The following XPOT variants were observed in gnomAD, a reference collection of about 807,000 sequenced individuals.
XPOT encodes the protein exportin-T.
XPOT carries 34 observed loss-of-function variants against 128.2 expected under a neutral mutation model. The ratio of observed to expected loss-of-function variants is 0.27; its 90% CI spans 0.20 to 0.35. XPOT has a LOEUF of 0.35. Among genes scored for constraint, XPOT ranks in the 10% least tolerant of loss-of-function variants. The probability of loss-of-function intolerance (pLI) is 1.00; values close to 1 mark genes in which losing one functional copy is unlikely to be tolerated. For synonymous variants in XPOT, 348 were observed against 394.3 expected, an observed-to-expected ratio of 0.88 and a Z score of 1.39; for missense variants, 838 against 1,125.3, an observed-to-expected ratio of 0.74 and a Z score of 3.65.
At chr12:64,447,369 G>A (rs911102271) in intron 24 of XPOT, among the ~76,000 whole-genome samples, 6 of 152,178 alleles carry the variant, frequency 3.9e-5, no homozygotes, top group Admixed American at 6.5e-5. Context: ...CAACTCCTTT[G>A]TAGTCTCAAA....
In XPOT at chr12:64,404,406, T is replaced by C. The variant is rs945372175; in HGVS notation, c.-473T>C. On this transcript the variant is annotated 5_prime_UTR_variant, in exon 1 of 25. Coordinates refer to ENST00000332707, the MANE Select transcript of XPOT (RefSeq NM_007235.6). ...CTGCCGCCCGCACTCTCCAAGAGAC[T>C]GCTGGCGCCGGCGCCCGCCCGCGCG... 1.3e-5 allele frequency: 2 copies of C among 151,980 alleles called. No individual in the cohort carries two copies. Among genetic ancestry groups the C allele is most frequent in the African/African-American group, 4.8e-5 (2 of 41,240 alleles). The allele number at this position is 151,980 out of a possible 1,614,324, so 9.4% of individuals were successfully genotyped here.
At chr12:64,417,977 G>A in intron 4 of XPOT, 69 bp from the exon 5 acceptor site, 1 of 1,251,620 alleles carries the variant, frequency 8.0e-7, no homozygotes, top group Non-Finnish European at 1.1e-6. Flanking sequence ...AAATATATGA[G>A]GCTGTTATTT....
intron 5 of XPOT, 130 bp from the exon 6 acceptor site, chr12:64,418,746 A>G (rs2040110820): frequency 1.5e-6 from 1 of 680,114 alleles, no homozygotes; most frequent in Non-Finnish European, 2.5e-6. Flanking sequence ...AATTTTGAAG[A>G]GTATTTGTTG....
chr12:64,429,631 G>C (rs1356859009), intron 16 of XPOT, among the ~76,000 whole-genome samples: 1 of 152,024 alleles, frequency 6.6e-6, no homozygotes, highest in East Asian at 1.9e-4. Flanking sequence ...AGTAGAGACA[G>C]GGTTTCACCA....
chr12:64,409,872 T>C (rs2040021133), intron 1 of XPOT, 90 bp from the exon 2 acceptor site: 2 of 570,916 alleles, frequency 3.5e-6, no homozygotes, highest in African/African-American at 3.7e-5. Context: ...TTAAGCTTCT[T>C]TGCATGATTT....
At chr12:64,408,624 A>C (rs2136008670) in intron 1 of XPOT, among the ~76,000 whole-genome samples, 1 of 152,302 alleles carries the variant, frequency 6.6e-6, no homozygotes, top group East Asian at 1.9e-4. Context: ...GATTAAAAAA[A>C]ATCCTTAAAT....
chr12:64,405,432 T>G (rs1303145135), intron 1 of XPOT: 1 of 152,228 alleles, frequency 6.6e-6, no homozygotes, highest in East Asian at 1.9e-4. Context: ...GTTAAAAGGC[T>G]GGAAAGATTC....
At chr12:64,425,538 A>G in intron 14 of XPOT, 81 bp downstream of exon 14, 1 of 1,526,196 alleles carries the variant, frequency 6.6e-7, no homozygotes, top group Non-Finnish European at 8.8e-7. Flanking sequence ...TTCTGTCTAT[A>G]ACTTTTCTCA....
intron 4 of XPOT, among the ~76,000 whole-genome samples, chr12:64,417,281 T>C (rs927909272): frequency 6.6e-6 from 1 of 152,184 alleles, no homozygotes; most frequent in Non-Finnish European, 1.5e-5. Context: ...CAGTGGCTCA[T>C]GCCTATGATC....
chr12:64,419,307 C>T (rs1451833014), intron 6 of XPOT, among the ~76,000 whole-genome samples: 2 of 151,788 alleles, frequency 1.3e-5, no homozygotes, highest in African/African-American at 4.8e-5. Context: ...TAAAGTATTA[C>T]ATTACATTTT....
intron 23 of XPOT, among the ~76,000 whole-genome samples, chr12:64,444,191 C>G (rs183399577): frequency 6.7e-4 from 102 of 152,150 alleles, no homozygotes; most frequent in Admixed American, 1.7e-3. Context: ...GTTTGGTTAT[C>G]CCTCTTACTA....
At chr12:64,406,873 G>T (rs1434118232) in intron 1 of XPOT, among the ~76,000 whole-genome samples, 2 of 152,094 alleles carry the variant, frequency 1.3e-5, no homozygotes, top group African/African-American at 4.8e-5. Flanking sequence ...TAAAAATGCT[G>T]ATCTGGTATA....
chr12:64,419,625 A>G (rs1268969967), intron 6 of XPOT, among the ~76,000 whole-genome samples: 2 of 152,188 alleles, frequency 1.3e-5, no homozygotes, highest in African/African-American at 4.8e-5. Context: ...TTTTTTAACT[A>G]GGCAAATACT....
intron 23 of XPOT, chr12:64,443,061 G>A (rs1477147502): frequency 6.6e-6 from 1 of 152,374 alleles, no homozygotes; most frequent in Non-Finnish European, 1.5e-5. Context: ...GGCCAGGCTA[G>A]TCTTGAACTC....
chr12:64,434,333 A>G (rs1283410429), intron 19 of XPOT, among the ~76,000 whole-genome samples, 174 bp from the exon 20 acceptor site: 1 of 152,218 alleles, frequency 6.6e-6, no homozygotes, highest in Non-Finnish European at 1.5e-5. Flanking sequence ...TTAGGTGCCC[A>G]GTTAATAAAA....
intron 24 of XPOT, among the ~76,000 whole-genome samples, chr12:64,447,858 A>G (rs139845260): frequency 1.3e-5 from 2 of 152,346 alleles, no homozygotes; most frequent in African/African-American, 2.4e-5. Context: ...TTTCTATAGC[A>G]TAGAGATAAC....
chr12:64,444,960 A>G (rs1248991003), intron 23 of XPOT, 115 bp from the exon 24 acceptor site: 12 of 712,278 alleles, frequency 1.7e-5, no homozygotes, highest in Admixed American at 3.4e-5. Context: ...ATGACAGAGC[A>G]AGACCATCTC....
At position 64,434,790 on chromosome 12, in the gene XPOT, A is replaced by T; in HGVS notation, c.2570-4A>T. 6.2e-7 allele frequency: 1 copy of T among 1,611,266 alleles called. No individual in the cohort carries two copies. Among genetic ancestry groups the T allele is most frequent in the Non-Finnish European group, 8.5e-7 (1 of 1,179,352 alleles). The stretch of plus-strand genomic sequence containing the variant: ...TAAGATGAAAATTTGAATTCTCTTG[A>T]CAGGAGGTAAAGATGGACCAGTGGG... On this transcript the variant is annotated splice_region_variant and splice_polypyrimidine_tract_variant and intron_variant, in intron 20 of 24. Coordinates refer to ENST00000332707, the MANE Select transcript of XPOT (RefSeq NM_007235.6).
intron 18 of XPOT, 51 bp from the exon 19 acceptor site, chr12:64,433,363 T>C: frequency 6.8e-7 from 1 of 1,465,330 alleles, no homozygotes; most frequent in Non-Finnish European, 9.1e-7. Context: ...TTTTCTAAGT[T>C]GTATGTTAAT....
Sources: gnomAD v4.1 joint callset for allele counts (sites outside exome capture counted in the v4.1 genomes callset) on GRCh38, gnomAD v4.1.1 for gene constraint, MANE v1.5 for transcripts, NCBI Gene and HGNC (gene_info 2026-07-23, HGNC 2026-07-21) for gene names.